RIT2: variants seen among roughly 807,000 people sequenced by gnomAD.
RIT2 encodes GTP-binding protein Rit2.
A neutral mutation model predicts 23.7 loss-of-function variants in RIT2; 24 were observed. That is an observed-to-expected ratio of 1.01 (90% CI 0.73 to 1.43). The LOEUF (loss-of-function observed/expected upper bound fraction) is 1.43, where lower values mean the gene tolerates loss of function less well. Ranked by LOEUF, RIT2 falls within the 40% of genes most tolerant of loss-of-function variation. The pLI is 0.00. For synonymous variants in RIT2, 107 were observed against 91.1 expected, an observed-to-expected ratio of 1.17 and a Z score of -0.99; for missense variants, 236 against 266.9, an observed-to-expected ratio of 0.88 and a Z score of 0.81.
At chr18:43,005,694 C>A (rs1488381616) in intron 2 of RIT2, among the ~76,000 whole-genome samples, 2 of 151,752 alleles carry the variant, frequency 1.3e-5, no homozygotes, top group Non-Finnish European at 2.9e-5. Context: ...TAAGGCAAAA[C>A]CATCACTTAA....
At chr18:42,994,435 C>A (rs1391930030) in intron 2 of RIT2, among the ~76,000 whole-genome samples, 3 of 152,142 alleles carry the variant, frequency 2.0e-5, no homozygotes, top group Admixed American at 2.0e-4. Flanking sequence ...GATAATTTTG[C>A]CTTTGGATAC....
intron 3 of RIT2, among the ~76,000 whole-genome samples, chr18:42,972,724 A>G (rs1910390683): frequency 6.6e-6 from 1 of 151,848 alleles, no homozygotes; most frequent in Non-Finnish European, 1.5e-5. Flanking sequence ...AAAATTCTAT[A>G]TACATCAAAT....
At chr18:43,054,970 T>C (rs561751646) in intron 1 of RIT2, among the ~76,000 whole-genome samples, 2 of 152,228 alleles carry the variant, frequency 1.3e-5, no homozygotes, top group South Asian at 4.1e-4. Flanking sequence ...CAATTATAGC[T>C]GTGCATTGGA....
At chr18:42,758,021 C>A (rs1437703409) in intron 4 of RIT2, among the ~76,000 whole-genome samples, 3 of 150,132 alleles carry the variant, frequency 2.0e-5, no homozygotes, top group Non-Finnish European at 4.4e-5. Flanking sequence ...TAATCTATTT[C>A]AATCCTGCAG....
intron 1 of RIT2, among the ~76,000 whole-genome samples, chr18:43,094,911 A>G (rs1034425089): frequency 5.3e-5 from 8 of 151,918 alleles, no homozygotes; most frequent in African/African-American, 1.9e-4. Flanking sequence ...TTATGGCTGC[A>G]TAGAATTCCA....
At chr18:42,945,866 C>A (rs555116160) in intron 3 of RIT2, among the ~76,000 whole-genome samples, 8 of 152,120 alleles carry the variant, frequency 5.3e-5, no homozygotes, top group African/African-American at 1.9e-4. Context: ...GTATTTGATA[C>A]ATTTTAAGCT....
At chr18:42,866,640 G>GAA (rs372644436) in intron 4 of RIT2, among the ~76,000 whole-genome samples, 56 of 136,118 alleles carry the variant, frequency 4.1e-4, no homozygotes, top group Middle Eastern at 3.9e-3. Flanking sequence ...GTGCTGTCAG[G>GAA]AAAAAAAAAA....
chr18:42,970,146 G>A (rs775061203), intron 3 of RIT2, among the ~76,000 whole-genome samples: 1 of 151,952 alleles, frequency 6.6e-6, no homozygotes, highest in Non-Finnish European at 1.5e-5. Context: ...TTACCTCTAT[G>A]AGCCTTGCAT....
intron 4 of RIT2, 113 bp downstream of exon 4, chr18:42,923,459 G>C: frequency 1.2e-6 from 1 of 868,150 alleles, no homozygotes; most frequent in Non-Finnish European, 1.8e-6. Context: ...GAAAAATCAT[G>C]TGCATAATTT....
intron 4 of RIT2, among the ~76,000 whole-genome samples, chr18:42,781,503 T>A (rs2143932489): frequency 6.6e-6 from 1 of 152,194 alleles, no homozygotes; most frequent in Non-Finnish European, 1.5e-5. Flanking sequence ...GCCTCTCTGA[T>A]CTCTCCCTGG....
intron 2 of RIT2, among the ~76,000 whole-genome samples, chr18:43,000,814 T>C (rs1377325097): frequency 6.6e-6 from 1 of 152,006 alleles, no homozygotes; most frequent in Non-Finnish European, 1.5e-5. Context: ...GTGAGTCAAT[T>C]AAGCCTTTCT....
chr18:42,775,866 C>CACAG (rs1416246170), intron 4 of RIT2, among the ~76,000 whole-genome samples: 4 of 151,606 alleles, frequency 2.6e-5, no homozygotes, highest in African/African-American at 9.7e-5. Context: ...CACATACACA[C>CACAG]ACACACACAC....
chr18:43,095,710 C>A (rs750851376), intron 1 of RIT2, among the ~76,000 whole-genome samples: 22 of 151,932 alleles, frequency 1.4e-4, no homozygotes, highest in Non-Finnish European at 2.5e-4. Flanking sequence ...TGCAGTATAA[C>A]TGCACTCGCT....
chr18:42,853,453 T>A (rs1196994072), intron 4 of RIT2, among the ~76,000 whole-genome samples: 1 of 152,228 alleles, frequency 6.6e-6, no homozygotes, highest in Non-Finnish European at 1.5e-5. Context: ...AAATATTCCT[T>A]GCAGAATTTC....
chr18:42,962,801 A>G (rs1186646742), intron 3 of RIT2, among the ~76,000 whole-genome samples: 2 of 152,178 alleles, frequency 1.3e-5, no homozygotes, highest in African/African-American at 4.8e-5. Context: ...TTTCATTTGC[A>G]TTAAATAGAA....
intron 4 of RIT2, among the ~76,000 whole-genome samples, chr18:42,863,962 T>G (rs367566432): frequency 4.6e-5 from 7 of 151,836 alleles, no homozygotes; most frequent in Admixed American, 1.3e-4. Flanking sequence ...AAAGAAACAA[T>G]GATGAGATAT....
intron 4 of RIT2, among the ~76,000 whole-genome samples, chr18:42,849,213 A>G (rs1906984945): frequency 6.6e-6 from 1 of 152,166 alleles, no homozygotes; most frequent in South Asian, 2.1e-4. Context: ...TTTGAATATG[A>G]TCCAGTCTAA....
At chr18:42,866,910 T>C (rs568429383) in intron 4 of RIT2, among the ~76,000 whole-genome samples, 1 of 152,296 alleles carries the variant, frequency 6.6e-6, no homozygotes, top group East Asian at 1.9e-4. Flanking sequence ...CTATTTTGTT[T>C]GATTGCACCT....
At chr18:42,860,461 T>C (rs985469477) in intron 4 of RIT2, among the ~76,000 whole-genome samples, 1 of 152,194 alleles carries the variant, frequency 6.6e-6, no homozygotes, top group Non-Finnish European at 1.5e-5. Flanking sequence ...ATTTTAATAA[T>C]TTTTTCCAGT....
Sources: gnomAD v4.1 joint callset for allele counts (sites outside exome capture counted in the v4.1 genomes callset) on GRCh38, gnomAD v4.1.1 for gene constraint, MANE v1.5 for transcripts, NCBI Gene and HGNC (gene_info 2026-07-23, HGNC 2026-07-21) for gene names.